The following CEACAM21 variants were observed in gnomAD, a reference collection of about 807,000 sequenced individuals.
The protein encoded by CEACAM21 is cell adhesion molecule CEACAM21.
A neutral mutation model predicts 33.2 loss-of-function variants in CEACAM21; 38 were observed. The ratio of observed to expected loss-of-function variants is 1.14; its 90% CI spans 0.88 to 1.50. CEACAM21 has a LOEUF of 1.50. Ranked by LOEUF, CEACAM21 falls within the 40% of genes most tolerant of loss-of-function variation. CEACAM21 has a pLI of 0.00. For missense variants in CEACAM21, 385 were observed against 364.6 expected (o/e 1.06, Z -0.46); for synonymous variants, 156 against 143.0 (o/e 1.09, Z -0.65).
In CEACAM21 at chr19:41,586,808, C is replaced by T; in HGVS notation, c.*345C>T. On this transcript the variant is annotated 3_prime_UTR_variant, in exon 7 of 7. Transcript: ENST00000401445. ...GGGCCTATGGCCCACCCGGGGTCAC[C>T]TGGAAAGGATCTGAATAAAGGGGAA... 1 of 288,836 alleles carries T rather than the reference C, an allele frequency of 3.5e-6. No individual in the cohort carries two copies. Among genetic ancestry groups the T allele is most frequent in the Admixed American group, 4.4e-5 (1 of 22,914 alleles). The allele number at this position is 288,836 out of a possible 1,614,324, so 17.9% of individuals were successfully genotyped here. A position where few individuals can be genotyped will look rare whatever the true frequency, so the allele number is the denominator to read the frequency against.
intron 6 of CEACAM21, 107 bp downstream of exon 6, chr19:41,585,978 C>A: frequency 8.2e-7 from 1 of 1,220,396 alleles, no homozygotes; most frequent in Non-Finnish European, 1.2e-6. Flanking sequence ...CCCAGAATGA[C>A]TTGGATAAGG....
At chr19:41,565,214 A>G (rs1397381385) in intron 2 of CEACAM21, among the ~76,000 whole-genome samples, 1 of 152,128 alleles carries the variant, frequency 6.6e-6, no homozygotes, top group Non-Finnish European at 1.5e-5. Context: ...CCTTGCCCTC[A>G]GAGCCCGCCC....
chr19:41,557,544 G>A (rs2041613147), intron 1 of CEACAM21, among the ~76,000 whole-genome samples: 1 of 152,140 alleles, frequency 6.6e-6, no homozygotes, highest in African/African-American at 2.4e-5. Flanking sequence ...TCAATCGACA[G>A]CTTTTAGGAG....
intron 2 of CEACAM21, among the ~76,000 whole-genome samples, chr19:41,569,409 C>T (rs1210626691): frequency 1.3e-5 from 2 of 152,002 alleles, no homozygotes; most frequent in Non-Finnish European, 2.9e-5. Context: ...GACAACAACT[C>T]GCTATATTGT....
intron 3 of CEACAM21, among the ~76,000 whole-genome samples, chr19:41,580,885 C>A (rs1313481054): frequency 6.6e-6 from 1 of 152,232 alleles, no homozygotes; most frequent in Non-Finnish European, 1.5e-5. Context: ...AAAGTCCCAA[C>A]CCTCTAATCC....
chr19:41,584,575 T>G, intron 4 of CEACAM21, 132 bp downstream of exon 4: 2 of 773,404 alleles, frequency 2.6e-6, no homozygotes, highest in Non-Finnish European at 4.3e-6. Flanking sequence ...TTCCCTCTCA[T>G]TCCATGGCAC....
intron 2 of CEACAM21, among the ~76,000 whole-genome samples, chr19:41,577,881 G>A (rs1460021481): frequency 6.6e-6 from 1 of 152,194 alleles, no homozygotes; most frequent in Non-Finnish European, 1.5e-5. Context: ...ATAGGACTCA[G>A]TCAGGGCCTG....
At chr19:41,559,118 T>C (rs2041715671) in intron 1 of CEACAM21, among the ~76,000 whole-genome samples, 1 of 152,254 alleles carries the variant, frequency 6.6e-6, no homozygotes, top group Non-Finnish European at 1.5e-5. Flanking sequence ...AACAGATTTA[T>C]GTATTTTACT....
intron 1 of CEACAM21, chr19:41,551,428 G>A (rs1555784204): frequency 6.6e-6 from 1 of 152,258 alleles, no homozygotes; most frequent in Admixed American, 6.5e-5. Context: ...AAAGTGCTGG[G>A]ATTACAGGCA....
At chr19:41,560,062 G>C (rs1297196627) in intron 1 of CEACAM21, among the ~76,000 whole-genome samples, 2 of 152,082 alleles carry the variant, frequency 1.3e-5, no homozygotes, top group East Asian at 1.9e-4. Context: ...AACTGAATTG[G>C]TATTTTTCAT....
At chr19:41,574,687 TAGTA>T (rs782727902), upstream of CEACAM21, among the ~76,000 whole-genome samples, 2 of 152,150 alleles carry the variant, frequency 1.3e-5, no homozygotes, top group African/African-American at 4.8e-5. Flanking sequence ...AAATATTAAA[TAGTA>T]AGTGTTTACA....
chr19:41,585,839 G>A lies in CEACAM21; in HGVS notation c.851-1G>A. The stretch of plus-strand genomic sequence containing the variant: ...GTGCTCACTTTTGTCTCTGTCCCCA[G>A]GCCATGGACCCTCTGACAGCTCCAT... On this transcript the variant is annotated splice_acceptor_variant, in intron 5 of 6. Coordinates refer to ENST00000401445, the MANE Select transcript of CEACAM21 (RefSeq NM_001098506.4). LOFTEE classifies it high-confidence loss of function. The A allele has an allele frequency of 6.2e-7, 1 of 1,612,698 alleles. No individual in the cohort carries two copies.
chr19:41,567,466 G>C (rs1477320757), intron 2 of CEACAM21, among the ~76,000 whole-genome samples: 3 of 152,170 alleles, frequency 2.0e-5, no homozygotes, highest in African/African-American at 7.2e-5. Flanking sequence ...AATGGTCATA[G>C]AAAATCCGGG....
upstream of CEACAM21, among the ~76,000 whole-genome samples, chr19:41,572,661 C>T (rs1227292912): frequency 6.6e-6 from 1 of 152,178 alleles, no homozygotes; most frequent in Non-Finnish European, 1.5e-5. Context: ...CCTGTGCACA[C>T]CCAAAACCAC....
intron 1 of CEACAM21, among the ~76,000 whole-genome samples, chr19:41,556,028 G>T (rs2041503477): frequency 6.6e-6 from 1 of 152,196 alleles, no homozygotes. Flanking sequence ...CTGCAGACCT[G>T]GAGGAGCCTG....
At chr19:41,575,174 G>C (rs994156337), upstream of CEACAM21, among the ~76,000 whole-genome samples, 3 of 144,500 alleles carry the variant, frequency 2.1e-5, no homozygotes, top group Non-Finnish European at 2.9e-5. Context: ...GGCTACCAGT[G>C]GGTGGGGCAG....
chr19:41,563,455 C>T (rs2042032436), intron 1 of CEACAM21, among the ~76,000 whole-genome samples: 1 of 152,230 alleles, frequency 6.6e-6, no homozygotes, highest in Admixed American at 6.5e-5. Flanking sequence ...CACTCTGTAA[C>T]CCCATCGGGG....
At chr19:41,571,464 G>A (rs2042607665), upstream of CEACAM21, among the ~76,000 whole-genome samples, 1 of 152,122 alleles carries the variant, frequency 6.6e-6, no homozygotes, top group Admixed American at 6.5e-5. Context: ...GGACATGGGG[G>A]ATCCTGTAGA....
chr19:41,549,975 G>A (rs782242648), intron 1 of CEACAM21, among the ~76,000 whole-genome samples: 9 of 152,052 alleles, frequency 5.9e-5, no homozygotes, highest in Admixed American at 2.6e-4. Flanking sequence ...TTGAATTTGT[G>A]ATACACCCTC....
Sources: allele counts gnomAD v4.1 joint callset (sites outside exome capture counted in the v4.1 genomes callset), GRCh38; gene constraint gnomAD v4.1.1; transcripts MANE v1.5; gene names NCBI Gene and HGNC (gene_info 2026-07-23, HGNC 2026-07-21).